Variants in ADCK1 observed in about 807,000 individuals in gnomAD.
The protein encoded by ADCK1 is aarF domain containing kinase 1, also known as aarF domain-containing protein kinase 1.
ADCK1 carries 41 observed loss-of-function variants against 52.3 expected under a neutral mutation model. The ratio of observed to expected loss-of-function variants is 0.78; its 90% CI spans 0.61 to 1.02. The LOEUF is 1.02. Among genes scored for constraint, ADCK1 ranks in the 50% least tolerant of loss-of-function variants. ADCK1 has a pLI of 0.00. For synonymous variants in ADCK1, 250 were observed against 274.6 expected, an observed-to-expected ratio of 0.91 and a Z score of 0.89; for missense variants, 658 against 679.5, an observed-to-expected ratio of 0.97 and a Z score of 0.35.
At chr14:77,915,560 C>T (rs1291262349) in intron 7 of ADCK1, among the ~76,000 whole-genome samples, 1 of 152,100 alleles carries the variant, frequency 6.6e-6, no homozygotes, top group East Asian at 1.9e-4. Context: ...CACATATACA[C>T]CATGGAATAC....
intron 3 of ADCK1, among the ~76,000 whole-genome samples, chr14:77,838,275 T>C (rs2081999833): frequency 6.6e-6 from 1 of 152,182 alleles, no homozygotes; most frequent in South Asian, 2.1e-4. Flanking sequence ...AATATACAAA[T>C]AAACTGTTGA....
At chr14:77,802,698 C>A (rs2081136433) in intron 1 of ADCK1, among the ~76,000 whole-genome samples, 1 of 152,158 alleles carries the variant, frequency 6.6e-6, no homozygotes, top group Non-Finnish European at 1.5e-5. Context: ...CGCCTGTAAT[C>A]CCAGCACTTT....
At chr14:77,830,329 T>G (rs1302712727) in intron 3 of ADCK1, among the ~76,000 whole-genome samples, 2 of 151,198 alleles carry the variant, frequency 1.3e-5, no homozygotes, top group African/African-American at 4.8e-5. Flanking sequence ...AATTTTTGTA[T>G]TTTTTGGTAC....
intron 7 of ADCK1, 166 bp downstream of exon 7, chr14:77,908,085 A>G: frequency 1.7e-6 from 1 of 580,292 alleles, no homozygotes; most frequent in Non-Finnish European, 3.0e-6. Context: ...AGATTCTTTC[A>G]GGTCATTTAG....
intron 3 of ADCK1, among the ~76,000 whole-genome samples, chr14:77,831,868 T>C (rs894341462): frequency 1.5e-4 from 23 of 152,150 alleles, no homozygotes; most frequent in African/African-American, 5.6e-4. Flanking sequence ...TAAGGTCGGG[T>C]GACAACTCTA....
intron 1 of ADCK1, among the ~76,000 whole-genome samples, chr14:77,803,435 C>T (rs550063995): frequency 2.0e-5 from 3 of 152,250 alleles, no homozygotes; most frequent in East Asian, 1.9e-4. Flanking sequence ...TCACTGACTC[C>T]GATGAACAGT....
At position 77,924,533 on chromosome 14, in the gene ADCK1, G is replaced by A; in HGVS notation, c.935G>A (p.Gly312Asp). ...TTCGTGCACTGCGATCCCCACCCCG[G>A]CAATGTACTGGTGCGGAAGCACCCC... ...NGFVHCDPHP[G>D]NVLVRKHPGT... Residue 312 changes from glycine to aspartate, a missense_variant, in exon 8 of 11, where the codon GGC (glycine) becomes GAC (aspartate). Transcript: ENST00000238561. 1 of 1,614,080 alleles carries A rather than the reference G, an allele frequency of 6.2e-7. No individual in the cohort carries two copies. Among genetic ancestry groups the A allele is most frequent in the Non-Finnish European group, 8.5e-7 (1 of 1,180,042 alleles).
At chr14:77,906,736 C>G (rs1217958376) in intron 6 of ADCK1, among the ~76,000 whole-genome samples, 1 of 152,168 alleles carries the variant, frequency 6.6e-6, no homozygotes, top group Non-Finnish European at 1.5e-5. Context: ...CATTCACATT[C>G]ACTTTCGAGG....
In ADCK1 at chr14:77,873,437, C is replaced by T. The variant is rs536831753; in HGVS notation, c.424-13654C>T. On this transcript the variant is annotated intron_variant, in intron 4 of 10. Coordinates refer to ENST00000238561, the MANE Select transcript of ADCK1 (RefSeq NM_020421.4). ...CTGTGCCACTTTGGAAGGGAAGCCTCGGCAACTGCTGGCATGTGCATAAGT... is the reference window on the plus strand; with the variant it reads ...CTGTGCCACTTTGGAAGGGAAGCCTTGGCAACTGCTGGCATGTGCATAAGT... 1.4e-4 allele frequency among the ~76,000 whole-genome samples: 21 copies of T among 152,304 alleles called. No individual in the cohort carries two copies. In the South Asian group the frequency reaches 3.7e-3, roughly 27 times the overall value.
chr14:77,852,919 T>A (rs868303433), intron 3 of ADCK1, among the ~76,000 whole-genome samples: 1,060 of 30,748 alleles, frequency 0.034, 12 homozygotes, highest in Non-Finnish European at 0.053. Flanking sequence ...TTTTTTTTTT[T>A]TTTTTTTTTT....
In ADCK1 at chr14:77,929,794, G is replaced by C. The variant is rs567105472; in HGVS notation, c.1207-1724G>C. Among the ~76,000 whole-genome samples the C allele has an allele frequency of 5.9e-5, 9 of 152,278 alleles. No individual in the cohort carries two copies. The South Asian group carries it at 1.9e-3, about 32-fold the overall frequency. ...TGGTTCTCCTGCCTCAGCCTCCTGA[G>C]TAGCTGGGACTACAGGTGTATGCCA... On this transcript the variant is annotated intron_variant, in intron 9 of 10. Transcript: ENST00000238561.
At chr14:77,804,191 G>A (rs2081169839) in intron 1 of ADCK1, among the ~76,000 whole-genome samples, 1 of 152,148 alleles carries the variant, frequency 6.6e-6, no homozygotes, top group Non-Finnish European at 1.5e-5. Flanking sequence ...TCAGGTGAAA[G>A]TCAAAAAGGC....
At chr14:77,884,479 C>A (rs950628181) in intron 4 of ADCK1, among the ~76,000 whole-genome samples, 1 of 152,164 alleles carries the variant, frequency 6.6e-6, no homozygotes, top group African/African-American at 2.4e-5. Context: ...GCCTGGGCAC[C>A]AGGTCTGTGT....
chr14:77,905,423 T>C (rs953084119), intron 6 of ADCK1, among the ~76,000 whole-genome samples: 6 of 150,986 alleles, frequency 4.0e-5, no homozygotes, highest in Non-Finnish European at 5.9e-5. Flanking sequence ...CGATTCTCTT[T>C]CCTCAGCCTC....
intron 3 of ADCK1, among the ~76,000 whole-genome samples, chr14:77,835,723 C>T (rs913777534): frequency 1.3e-5 from 2 of 152,222 alleles, no homozygotes; most frequent in African/African-American, 4.8e-5. Flanking sequence ...GCATCCTCTA[C>T]CTCTTGAGCT....
chr14:77,869,748 C>T (rs1416153729), intron 4 of ADCK1, among the ~76,000 whole-genome samples: 2 of 152,198 alleles, frequency 1.3e-5, no homozygotes, highest in African/African-American at 4.8e-5. Context: ...TCTTCTGGGA[C>T]TCTTGTATCT....
intron 8 of ADCK1, among the ~76,000 whole-genome samples, chr14:77,925,450 C>T (rs1163317988): frequency 6.6e-6 from 1 of 152,208 alleles, no homozygotes; most frequent in African/African-American, 2.4e-5. Flanking sequence ...CTGCCACATT[C>T]CGTCAGTTGG....
intron 4 of ADCK1, among the ~76,000 whole-genome samples, chr14:77,871,313 A>G (rs932482828): frequency 2.0e-5 from 3 of 151,736 alleles, no homozygotes; most frequent in Non-Finnish European, 2.9e-5. Flanking sequence ...CACCCATCCC[A>G]CCCAAGGGCC....
chr14:77,849,450 T>C (rs1297935301), intron 3 of ADCK1, among the ~76,000 whole-genome samples: 1 of 152,128 alleles, frequency 6.6e-6, no homozygotes, highest in African/African-American at 2.4e-5. Context: ...TAGTTTTCTT[T>C]CTTTTTTTTG....
Sources: gnomAD v4.1 joint callset for allele counts (sites outside exome capture counted in the v4.1 genomes callset) on GRCh38, gnomAD v4.1.1 for gene constraint, MANE v1.5 for transcripts, NCBI Gene and HGNC (gene_info 2026-07-23, HGNC 2026-07-21) for gene names.